Variants in COL25A1 observed in about 807,000 individuals in gnomAD.
COL25A1 encodes collagen type XXV alpha 1 chain, also known as collagen alpha-1(XXV) chain.
In COL25A1, 103 loss-of-function variants were observed where a neutral mutation model predicts 128.4. The observed-to-expected ratio is 0.80, with a 90% CI of 0.68 to 0.94. COL25A1 has a LOEUF of 0.94. Ranked by LOEUF, COL25A1 falls within the 40% of genes least tolerant of loss-of-function variation. The pLI, the probability that COL25A1 is intolerant of heterozygous loss-of-function variation, is 0.00. For missense variants in COL25A1, 745 were observed against 840.0 expected (o/e 0.89, Z 1.40); for synonymous variants, 279 against 277.2 (o/e 1.01, Z -0.06).
chr4:108,844,946 C>A (rs955331496), intron 29 of COL25A1, among the ~76,000 whole-genome samples: 1 of 152,116 alleles, frequency 6.6e-6, no homozygotes, highest in East Asian at 1.9e-4. Flanking sequence ...TAGGAGAAAA[C>A]CATTGATTTT....
chr4:108,897,366 CT>C (rs1742264473), intron 15 of COL25A1, among the ~76,000 whole-genome samples: 1 of 152,192 alleles, frequency 6.6e-6, no homozygotes, highest in Non-Finnish European at 1.5e-5. Context: ...ACTGACATCT[CT>C]TTTCTGCCTA....
At chr4:108,947,247 G>C (rs1055875422) in intron 8 of COL25A1, among the ~76,000 whole-genome samples, 5 of 151,948 alleles carry the variant, frequency 3.3e-5, no homozygotes, top group African/African-American at 1.2e-4. Context: ...TTCGAGACCA[G>C]CCTGGCCAAC....
chr4:109,211,112 A>C (rs1777464782), intron 3 of COL25A1, among the ~76,000 whole-genome samples: 1 of 151,822 alleles, frequency 6.6e-6, no homozygotes, highest in South Asian at 2.1e-4. Flanking sequence ...TCTGTACACC[A>C]AATCCCCTGT....
intron 3 of COL25A1, among the ~76,000 whole-genome samples, chr4:109,197,457 T>A (rs1776181076): frequency 8.5e-6 from 1 of 117,698 alleles, no homozygotes; most frequent in South Asian, 2.3e-4. Flanking sequence ...ATATTATATA[T>A]AAATATTATA....
intron 12 of COL25A1, among the ~76,000 whole-genome samples, chr4:108,919,878 T>G (rs1044371422): frequency 6.6e-6 from 1 of 152,152 alleles, no homozygotes; most frequent in African/African-American, 2.4e-5. Context: ...TTCTCCTGTC[T>G]CAGCCTCTTG....
intron 3 of COL25A1, among the ~76,000 whole-genome samples, chr4:109,083,574 T>C: frequency 6.8e-6 from 1 of 146,942 alleles, no homozygotes; most frequent in Non-Finnish European, 1.5e-5. Flanking sequence ...GCCATTCTCC[T>C]GCCTCAGCCT....
chr4:108,836,746 T>C (rs990368697), intron 31 of COL25A1, among the ~76,000 whole-genome samples: 5 of 151,922 alleles, frequency 3.3e-5, no homozygotes, highest in Non-Finnish European at 5.9e-5. Flanking sequence ...ATTATAGAGG[T>C]TTTATGCCTA....
At chr4:109,188,757 G>A (rs1775349427) in intron 3 of COL25A1, among the ~76,000 whole-genome samples, 2 of 152,136 alleles carry the variant, frequency 1.3e-5, no homozygotes, top group Admixed American at 1.3e-4. Context: ...TCAGAAGAAT[G>A]AGGAAACATC....
At chr4:109,269,956 C>T (rs896580735) in intron 3 of COL25A1, among the ~76,000 whole-genome samples, 1 of 151,992 alleles carries the variant, frequency 6.6e-6, no homozygotes, top group Non-Finnish European at 1.5e-5. Flanking sequence ...TAAACAGAGC[C>T]AAAGACAAAA....
intron 3 of COL25A1, among the ~76,000 whole-genome samples, chr4:109,231,704 G>C (rs1779176477): frequency 6.6e-6 from 1 of 152,170 alleles, no homozygotes; most frequent in African/African-American, 2.4e-5. Flanking sequence ...AGGTTTATTG[G>C]AAAAGATGTT....
At chr4:109,136,834 T>C (rs1000644223) in intron 3 of COL25A1, among the ~76,000 whole-genome samples, 5 of 152,346 alleles carry the variant, frequency 3.3e-5, no homozygotes, top group Admixed American at 1.3e-4. Flanking sequence ...GGATTTCACT[T>C]CCAAGATTTA....
intron 15 of COL25A1, among the ~76,000 whole-genome samples, chr4:108,898,880 TA>T (rs1389889974): frequency 6.6e-6 from 1 of 152,194 alleles, no homozygotes; most frequent in African/African-American, 2.4e-5. Context: ...CTTTATTTTT[TA>T]AAACTTTTTT....
Position 109,055,422 on chromosome 4 carries a change from A to G in COL25A1, c.368-5243T>C, listed in dbSNP as rs138298196. 6.7e-3 allele frequency among the ~76,000 whole-genome samples: 1,025 copies of G among 152,312 alleles called. 10 individuals carry two copies. Among genetic ancestry groups the G allele is most frequent in the African/African-American group, 0.024 (994 of 41,568 alleles). ...TCACGTTTCTGCAAATGTAAAACTG[A>G]GCCCAACAGAGGCGAAACAACCTGC... On this transcript the variant is annotated intron_variant, in intron 3 of 37. Transcript: ENST00000399132.
intron 3 of COL25A1, among the ~76,000 whole-genome samples, chr4:109,064,509 C>A (rs982308330): frequency 3.9e-5 from 6 of 152,156 alleles, no homozygotes; most frequent in Admixed American, 6.6e-5. Context: ...ATCTTTCTAT[C>A]GATTCCCTTA....
At chr4:109,289,843 G>A (rs1724288166) in intron 3 of COL25A1, among the ~76,000 whole-genome samples, 1 of 151,902 alleles carries the variant, frequency 6.6e-6, no homozygotes, top group African/African-American at 2.4e-5. Flanking sequence ...ATCACGTTAG[G>A]GCAATGCTTG....
intron 3 of COL25A1, among the ~76,000 whole-genome samples, chr4:109,073,413 G>A (rs1004095422): frequency 3.9e-5 from 6 of 152,150 alleles, no homozygotes; most frequent in Non-Finnish European, 8.8e-5. Context: ...CAAAACTCAT[G>A]TTCATCCTTT....
Position 108,811,391 on chromosome 4 carries a change from G to A in COL25A1, c.*2536C>T, listed in dbSNP as rs1268691643. The A allele has an allele frequency of 6.6e-6, 1 of 151,974 alleles. No individual in the cohort carries two copies. The allele number at this position is 151,974 out of a possible 1,614,324, so 9.4% of individuals were successfully genotyped here. A position where few individuals can be genotyped will look rare whatever the true frequency, so the allele number is the denominator to read the frequency against. ...GAGCAAAAACTCAATATACACACAG[G>A]ACAGAATAGTATTCTTTGAAGGGCT... On this transcript the variant is annotated 3_prime_UTR_variant, in exon 38 of 38. Transcript: ENST00000399132.
At chr4:108,921,675 G>T (rs1430808882) in intron 11 of COL25A1, among the ~76,000 whole-genome samples, 2 of 152,108 alleles carry the variant, frequency 1.3e-5, no homozygotes, top group East Asian at 3.9e-4. Flanking sequence ...TAATGTTTAG[G>T]AACATTCAGA....
chr4:109,265,787 C>T (rs1781752879), intron 3 of COL25A1, among the ~76,000 whole-genome samples: 1 of 151,974 alleles, frequency 6.6e-6, no homozygotes, highest in Non-Finnish European at 1.5e-5. Flanking sequence ...TTAAAACAGG[C>T]AACATTAAGA....
Sources: allele counts gnomAD v4.1 joint callset (sites outside exome capture counted in the v4.1 genomes callset), GRCh38; gene constraint gnomAD v4.1.1; transcripts MANE v1.5; gene names NCBI Gene and HGNC (gene_info 2026-07-23, HGNC 2026-07-21).